Variants in RGS7 observed in about 807,000 individuals in gnomAD.
The protein encoded by RGS7 is regulator of G-protein signaling 7.
In RGS7, 27 loss-of-function variants were observed where a neutral mutation model predicts 81.1. The ratio of observed to expected loss-of-function variants is 0.33; its 90% CI spans 0.25 to 0.46. The LOEUF (loss-of-function observed/expected upper bound fraction) is 0.46, where lower values mean the gene tolerates loss of function less well. Among genes scored for constraint, RGS7 ranks in the 20% least tolerant of loss-of-function variants. The pLI is 1.00. For synonymous variants in RGS7, 208 were observed against 207.7 expected (o/e 1.00, Z -0.01); for missense variants, 396 against 607.4 (o/e 0.65, Z 3.66).
chr1:241,087,555 T>C (rs1312367729), intron 3 of RGS7, among the ~76,000 whole-genome samples: 1 of 152,222 alleles, frequency 6.6e-6, no homozygotes, highest in Non-Finnish European at 1.5e-5. Context: ...GTTTACACTA[T>C]CATCTGGAAG....
In RGS7 at chr1:241,087,194, G is replaced by A. The variant is rs549119901; in HGVS notation, c.175+11472C>T. Reference sequence around the variant, plus strand: ...ACACATAGGATTCCACAGATCCTGAGGTACAGCAGACTTCAGATACCCACT... The same window carrying A: ...ACACATAGGATTCCACAGATCCTGAAGTACAGCAGACTTCAGATACCCACT... On this transcript the variant is annotated intron_variant, in intron 3 of 18. Transcript: ENST00000440928. 2.0e-5 allele frequency among the ~76,000 whole-genome samples: 3 copies of A among 152,222 alleles called. No homozygotes were observed. The East Asian group carries it at 5.8e-4, about 29-fold the overall frequency.
At chr1:240,925,395 G>T (rs545910425) in intron 6 of RGS7, among the ~76,000 whole-genome samples, 5 of 152,190 alleles carry the variant, frequency 3.3e-5, no homozygotes, top group Admixed American at 3.3e-4. Flanking sequence ...TTCTTTTCCT[G>T]TGTTAATTTG....
At chr1:240,960,856 C>CT (rs1228548053) in intron 4 of RGS7, among the ~76,000 whole-genome samples, 1 of 152,072 alleles carries the variant, frequency 6.6e-6, no homozygotes, top group Non-Finnish European at 1.5e-5. Context: ...ATGCAGGTAT[C>CT]TTTTTTCACA....
In RGS7 at chr1:240,814,799, G is replaced by C. The variant is rs1690505821; in HGVS notation, c.784-22C>G. 1.1e-5 allele frequency: 16 copies of C among 1,442,196 alleles called. No homozygotes were observed. The Middle Eastern group carries it at 7.0e-4, about 63-fold the overall frequency. The allele number at this position is 1,442,196 out of a possible 1,614,324, so 89.3% of individuals were successfully genotyped here. On this transcript the variant is annotated intron_variant, in intron 11 of 18. Transcript: ENST00000440928. ...TTATCTGAAAAGAGGGTTAGAGAAG[G>C]AGTTACATAAGTAATGACATTTTCA...
At chr1:241,108,384 GA>G (rs963608100) in intron 2 of RGS7, among the ~76,000 whole-genome samples, 17 of 151,658 alleles carry the variant, frequency 1.1e-4, no homozygotes, top group Non-Finnish European at 2.2e-4. Context: ...TCAAACAACT[GA>G]ATGAGATTTC....
chr1:241,334,006 C>G (rs77496142), intron 2 of RGS7, among the ~76,000 whole-genome samples: 3,813 of 150,976 alleles, frequency 0.025, 95 homozygotes, highest in African/African-American at 0.064. Flanking sequence ...TGATGTCAAA[C>G]CAGATTAATA....
At chr1:240,979,894 C>T (rs1370757577) in intron 4 of RGS7, among the ~76,000 whole-genome samples, 1 of 152,052 alleles carries the variant, frequency 6.6e-6, no homozygotes. Flanking sequence ...ATTCCCAGTG[C>T]CTGGCCCATG....
chr1:241,007,048 T>C (rs1194135926), intron 3 of RGS7, among the ~76,000 whole-genome samples: 2 of 151,968 alleles, frequency 1.3e-5, no homozygotes, highest in African/African-American at 4.8e-5. Flanking sequence ...TCCTGAGTAG[T>C]TGGGATTATA....
At chr1:241,209,832 G>A (rs181140818) in intron 2 of RGS7, among the ~76,000 whole-genome samples, 149 of 151,896 alleles carry the variant, frequency 9.8e-4, no homozygotes, top group African/African-American at 3.5e-3. Context: ...GCCAGACCCT[G>A]TCTCCAAAAT....
At position 241,118,644 on chromosome 1, in the gene RGS7, A is replaced by G. The variant is rs116052976; in HGVS notation, c.79-19882T>C. Reference sequence around the variant, plus strand: ...TAGCAAAGTCATGGAACTAACTTAAATGTTCATCAACAGTTGACAGAATAA... The same window carrying G: ...TAGCAAAGTCATGGAACTAACTTAAGTGTTCATCAACAGTTGACAGAATAA... On this transcript the variant is annotated intron_variant, in intron 2 of 18. Transcript: ENST00000440928. 3.1e-3 allele frequency among the ~76,000 whole-genome samples: 475 copies of G among 152,288 alleles called. 6 individuals carry two copies. Among genetic ancestry groups the G allele is most frequent in the African/African-American group, 0.011 (439 of 41,562 alleles).
chr1:241,323,209 T>C (rs2081305579), intron 2 of RGS7, among the ~76,000 whole-genome samples: 1 of 152,274 alleles, frequency 6.6e-6, no homozygotes, highest in Non-Finnish European at 1.5e-5. Flanking sequence ...AATTTCTTGA[T>C]AATATGTTTT....
intron 9 of RGS7, among the ~76,000 whole-genome samples, chr1:240,866,632 G>A (rs1338284776): frequency 6.6e-6 from 1 of 152,168 alleles, no homozygotes; most frequent in Non-Finnish European, 1.5e-5. Context: ...TGTGGTGGAG[G>A]CCTCTTGGAT....
At chr1:241,258,132 CT>C (rs535228585) in intron 2 of RGS7, among the ~76,000 whole-genome samples, 13 of 152,048 alleles carry the variant, frequency 8.5e-5, no homozygotes, top group Middle Eastern at 3.4e-3. Flanking sequence ...AAGTTTATTT[CT>C]TTTTTTATTT....
intron 2 of RGS7, among the ~76,000 whole-genome samples, chr1:241,324,950 T>A (rs1396984299): frequency 1.3e-5 from 2 of 152,358 alleles, no homozygotes; most frequent in East Asian, 1.9e-4. Context: ...TATAAAGCTA[T>A]GGACACATCT....
chr1:241,236,771 T>C (rs1184918015), intron 2 of RGS7, among the ~76,000 whole-genome samples: 2 of 152,298 alleles, frequency 1.3e-5, no homozygotes, highest in Middle Eastern at 6.8e-3. Flanking sequence ...ACAACTTGAA[T>C]ATAGTATTGA....
chr1:241,048,008 G>A (rs904183325), intron 3 of RGS7, among the ~76,000 whole-genome samples: 28 of 152,062 alleles, frequency 1.8e-4, no homozygotes, highest in Non-Finnish European at 3.5e-4. Flanking sequence ...CCAAAGTGCT[G>A]GGATTATAGG....
At chr1:241,245,514 G>A (rs745850296) in intron 2 of RGS7, among the ~76,000 whole-genome samples, 13 of 150,052 alleles carry the variant, frequency 8.7e-5, no homozygotes, top group East Asian at 5.9e-4. Flanking sequence ...AAAAGAAAAC[G>A]TGTGTGTGTT....
intron 2 of RGS7, among the ~76,000 whole-genome samples, chr1:241,205,264 T>C (rs1223100372): frequency 3.3e-5 from 5 of 149,792 alleles, no homozygotes; most frequent in Non-Finnish European, 7.4e-5. Flanking sequence ...TTTTTTTCAG[T>C]AGAGACGGGG....
intron 6 of RGS7, among the ~76,000 whole-genome samples, chr1:240,893,823 A>AT: frequency 6.6e-6 from 1 of 152,308 alleles, no homozygotes; most frequent in East Asian, 1.9e-4. Context: ...CATAACTGAT[A>AT]TATTATTGTT....
Sources: allele counts gnomAD v4.1 joint callset (sites outside exome capture counted in the v4.1 genomes callset), GRCh38; gene constraint gnomAD v4.1.1; transcripts MANE v1.5; gene names NCBI Gene and HGNC (gene_info 2026-07-23, HGNC 2026-07-21).